NELL1: variants seen among roughly 807,000 people sequenced by gnomAD.
NELL1 encodes the protein neural EGFL like 1.
A neutral mutation model predicts 107.4 loss-of-function variants in NELL1; 76 were observed. The ratio of observed to expected loss-of-function variants is 0.71; its 90% CI spans 0.59 to 0.86. NELL1 has a LOEUF of 0.86. NELL1 is among the 40% of genes least tolerant of loss of function. The pLI, the probability that NELL1 is intolerant of heterozygous loss-of-function variation, is 0.00. For synonymous variants in NELL1, 353 were observed against 341.2 expected (o/e 1.03, Z -0.38); for missense variants, 1,024 against 1,005.5 (o/e 1.02, Z -0.25).
chr11:21,492,834 A>G (rs1056047696), intron 15 of NELL1, among the ~76,000 whole-genome samples: 1 of 151,992 alleles, frequency 6.6e-6, no homozygotes, highest in African/African-American at 2.4e-5. Context: ...AGCATGACAC[A>G]TGTATACATA....
intron 2 of NELL1, among the ~76,000 whole-genome samples, chr11:20,699,035 G>T (rs1428805730): frequency 2.6e-5 from 4 of 152,002 alleles, no homozygotes; most frequent in African/African-American, 9.7e-5. Flanking sequence ...TGGCCAACAT[G>T]GTGAAACCCT....
chr11:20,746,273 A>T (rs180925730), intron 2 of NELL1, among the ~76,000 whole-genome samples: 1 of 152,278 alleles, frequency 6.6e-6, no homozygotes, highest in African/African-American at 2.4e-5. Context: ...GTTCTTTGGA[A>T]TCATTACACA....
intron 13 of NELL1, among the ~76,000 whole-genome samples, chr11:21,148,958 G>C (rs1013073257): frequency 2.6e-5 from 4 of 152,144 alleles, no homozygotes; most frequent in Admixed American, 2.6e-4. Context: ...ATTGGGTTTT[G>C]CTAGGGTTTT....
intron 13 of NELL1, among the ~76,000 whole-genome samples, chr11:21,151,987 A>C (rs140653452): frequency 4.6e-5 from 7 of 152,298 alleles, no homozygotes; most frequent in Admixed American, 4.6e-4. Flanking sequence ...TGACTGTAAC[A>C]CTGGCTGACA....
chr11:21,470,859 T>A (rs1367307810), intron 15 of NELL1, among the ~76,000 whole-genome samples: 1 of 152,122 alleles, frequency 6.6e-6, no homozygotes, highest in Admixed American at 6.6e-5. Flanking sequence ...ACAAAGGATT[T>A]AAACTCTCTG....
intron 12 of NELL1, among the ~76,000 whole-genome samples, chr11:21,091,142 G>A (rs957869266): frequency 6.6e-6 from 1 of 152,186 alleles, no homozygotes; most frequent in Admixed American, 6.5e-5. Context: ...TTCTGGCTCA[G>A]TATCTCCTCA....
chr11:21,045,244 T>A (rs10833436), intron 12 of NELL1, among the ~76,000 whole-genome samples: 53,806 of 151,860 alleles, frequency 0.35, 10,550 homozygotes, highest in East Asian at 0.58. Flanking sequence ...TAAAAGGTTT[T>A]AGGTGAGATG....
At chr11:21,327,187 G>T (rs1200154054) in intron 14 of NELL1, among the ~76,000 whole-genome samples, 1 of 114,440 alleles carries the variant, frequency 8.7e-6, no homozygotes, top group Non-Finnish European at 1.7e-5. Flanking sequence ...TTGTGGGGGG[G>T]ACTGTTGTGG....
intron 15 of NELL1, among the ~76,000 whole-genome samples, chr11:21,371,267 T>C (rs1167077619): frequency 1.3e-5 from 2 of 152,136 alleles, no homozygotes; most frequent in Non-Finnish European, 2.9e-5. Flanking sequence ...TATCATCTAC[T>C]GGGTAGCATC....
At chr11:20,976,163 AT>A (rs1434609759) in intron 12 of NELL1, among the ~76,000 whole-genome samples, 1 of 106,342 alleles carries the variant, frequency 9.4e-6, no homozygotes, top group African/African-American at 4.1e-5. Flanking sequence ...ATATACACAC[AT>A]TATATCTGTA....
At chr11:21,427,774 A>T (rs1852863625) in intron 15 of NELL1, among the ~76,000 whole-genome samples, 1 of 152,198 alleles carries the variant, frequency 6.6e-6, no homozygotes. Flanking sequence ...TTATAGGTAA[A>T]AGAAACCCAA....
At chr11:21,565,907 G>T (rs12576212) in intron 17 of NELL1, among the ~76,000 whole-genome samples, 2 of 151,800 alleles carry the variant, frequency 1.3e-5, no homozygotes, top group African/African-American at 4.8e-5. Flanking sequence ...TAAAAAGATT[G>T]GAAATCACAG....
At chr11:20,721,600 C>T (rs1175335072) in intron 2 of NELL1, among the ~76,000 whole-genome samples, 1 of 152,120 alleles carries the variant, frequency 6.6e-6, no homozygotes, top group African/African-American at 2.4e-5. Flanking sequence ...AGTCTTATCG[C>T]CAAGCCTTAA....
chr11:20,901,091 T>C (rs1042641584), intron 5 of NELL1, among the ~76,000 whole-genome samples: 19 of 152,146 alleles, frequency 1.2e-4, no homozygotes, highest in Non-Finnish European at 1.5e-4. Context: ...TCAGTGTTTC[T>C]ATTCAACATT....
intron 14 of NELL1, among the ~76,000 whole-genome samples, chr11:21,336,173 T>C (rs1181626412): frequency 1.3e-5 from 2 of 152,046 alleles, no homozygotes; most frequent in African/African-American, 4.8e-5. Flanking sequence ...CCTTAGACAT[T>C]AAACTAGAAC....
chr11:21,424,041 A>G (rs754020427), intron 15 of NELL1, among the ~76,000 whole-genome samples: 1 of 152,228 alleles, frequency 6.6e-6, no homozygotes, highest in Non-Finnish European at 1.5e-5. Flanking sequence ...TCTCAATCCA[A>G]CAACCTAACT....
In NELL1 at chr11:20,967,637, A is replaced by G. The variant is rs138510086; in HGVS notation, c.1300+7077A>G. Among the ~76,000 whole-genome samples, 485 of 152,200 alleles carry G rather than the reference A, an allele frequency of 3.2e-3. 3 individuals are homozygous for G. Among genetic ancestry groups the G allele is most frequent in the African/African-American group, 0.011 (461 of 41,548 alleles). ...AGCTTTACCTCCAAAATTAATCACA[A>G]ATTCACTCATGTCTTGCTGTCTTCA... is the stretch of plus-strand genomic sequence containing the variant. On this transcript the variant is annotated intron_variant, in intron 12 of 19. Transcript: ENST00000357134.
chr11:21,055,794 A>G (rs533365190), intron 12 of NELL1, among the ~76,000 whole-genome samples: 1 of 152,250 alleles, frequency 6.6e-6, no homozygotes, highest in East Asian at 1.9e-4. Context: ...ATTCCTATAC[A>G]GTTAAGGACT....
At position 21,124,299 on chromosome 11, in the gene NELL1, T is replaced by C. The variant is rs181933300; in HGVS notation, c.1426+10585T>C. Among the ~76,000 whole-genome samples the C allele has an allele frequency of 5.1e-4, 77 of 152,272 alleles. 1 individual carries two copies. The East Asian group carries it at 0.014, about 28-fold the overall frequency. ...TACCTCAGTAAATTAAAAAAATATA[T>C]ATTTATGACCTGGTAGGGATAATGT... On this transcript the variant is annotated intron_variant, in intron 13 of 19. Transcript: ENST00000357134.
Sources: allele counts gnomAD v4.1 joint callset (sites outside exome capture counted in the v4.1 genomes callset), GRCh38; gene constraint gnomAD v4.1.1; transcripts MANE v1.5; gene names NCBI Gene and HGNC (gene_info 2026-07-23, HGNC 2026-07-21).